CDH17: variants seen among roughly 807,000 people sequenced by gnomAD.
CDH17 encodes the protein cadherin-17.
In CDH17, 67 loss-of-function variants were observed where a neutral mutation model predicts 86.3. The ratio of observed to expected loss-of-function variants is 0.78; its 90% CI spans 0.64 to 0.95. The LOEUF (loss-of-function observed/expected upper bound fraction) is 0.95, where lower values mean the gene tolerates loss of function less well. Among genes scored for constraint, CDH17 ranks in the 40% least tolerant of loss-of-function variants. The probability of loss-of-function intolerance (pLI) is 0.00; values close to 1 mark genes in which losing one functional copy is unlikely to be tolerated. For synonymous variants in CDH17, 367 were observed against 366.4 expected, an observed-to-expected ratio of 1.00 and a Z score of -0.02; for missense variants, 993 against 1,017.6, an observed-to-expected ratio of 0.98 and a Z score of 0.33.
rs76730095 is a variant in CDH17, at chr8:94,130,262, G to A, written c.2398+364C>T. ...AATGGCAGGTGAGACCATAAACTCT[G>A]GTGTAGGATCTGTGTATGTCACTCT... On this transcript the variant is annotated intron_variant, in intron 17 of 17. Transcript: ENST00000027335. Among the ~76,000 whole-genome samples the A allele has an allele frequency of 3.9e-4, 59 of 152,284 alleles. No homozygotes were observed. The East Asian group carries it at 0.011, about 29-fold the overall frequency.
At chr8:94,177,792 C>T (rs963240164) in intron 3 of CDH17, 71 bp from the exon 4 acceptor site, 2 of 1,477,232 alleles carry the variant, frequency 1.4e-6, no homozygotes, top group Middle Eastern at 1.9e-4. Flanking sequence ...TAGAAAGTCA[C>T]CAATTTCAGG....
chr8:94,170,736 T>C (rs941854468), intron 8 of CDH17, 118 bp downstream of exon 8: 7 of 1,376,994 alleles, frequency 5.1e-6, no homozygotes, highest in African/African-American at 2.9e-5. Context: ...ACCAATAATA[T>C]GCTGGAGTCT....
At chr8:94,152,378 T>A (rs1410772790) in intron 12 of CDH17, among the ~76,000 whole-genome samples, 1 of 152,162 alleles carries the variant, frequency 6.6e-6, no homozygotes, top group Non-Finnish European at 1.5e-5. Flanking sequence ...TTGGCAATGA[T>A]CTTTTTTTAT....
intron 8 of CDH17, 147 bp downstream of exon 8, chr8:94,170,707 A>T: frequency 7.5e-7 from 1 of 1,339,604 alleles, no homozygotes; most frequent in Non-Finnish European, 1.0e-6. Context: ...ATTATGTGAA[A>T]ATTATCATGT....
chr8:94,156,464 G>A (rs1812950788), intron 12 of CDH17, among the ~76,000 whole-genome samples: 1 of 152,210 alleles, frequency 6.6e-6, no homozygotes, highest in African/African-American at 2.4e-5. Flanking sequence ...AGGGCTCAAA[G>A]AAATAGCTTT....
chr8:94,191,515 G>T (rs1813689917), intron 2 of CDH17, among the ~76,000 whole-genome samples: 2 of 145,412 alleles, frequency 1.4e-5, no homozygotes, highest in African/African-American at 5.2e-5. Flanking sequence ...GCAGTGGCAC[G>T]ATCTTGGCTC....
In CDH17 at chr8:94,177,737, A is replaced by G; in HGVS notation, c.151-16T>C. 1 of 1,612,462 alleles carries G rather than the reference A, an allele frequency of 6.2e-7. No homozygotes were observed. The highest frequency in any genetic ancestry group is 1.3e-5 in the African/African-American group (1 of 74,986). ...TGGCCTTAAACTGGGGAAAAAGCAAAAAACAGATTAAGTTGTAAGGGAAAA... is the reference window on the plus strand; with the variant it reads ...TGGCCTTAAACTGGGGAAAAAGCAAGAAACAGATTAAGTTGTAAGGGAAAA... On this transcript the variant is annotated splice_polypyrimidine_tract_variant and intron_variant, in intron 3 of 17. Coordinates refer to ENST00000027335, the MANE Select transcript of CDH17 (RefSeq NM_004063.4).
chr8:94,146,260 G>T, intron 14 of CDH17, 93 bp from the exon 15 acceptor site: 1 of 1,188,554 alleles, frequency 8.4e-7, no homozygotes, highest in Non-Finnish European at 1.1e-6. Context: ...AAGGAGTTAG[G>T]TACACTGAGA....
At chr8:94,213,814 C>G (rs750603973) in intron 1 of CDH17, among the ~76,000 whole-genome samples, 1 of 152,148 alleles carries the variant, frequency 6.6e-6, no homozygotes, top group African/African-American at 2.4e-5. Context: ...ATGGCGAGCT[C>G]TCCTCAAATT....
chr8:94,201,519 T>C (rs1813911976), intron 1 of CDH17, among the ~76,000 whole-genome samples: 1 of 152,144 alleles, frequency 6.6e-6, no homozygotes, highest in African/African-American at 2.4e-5. Context: ...CAGACAGCCA[T>C]CTACAAGCCA....
At chr8:94,159,088 C>A (rs982571541) in intron 12 of CDH17, among the ~76,000 whole-genome samples, 1 of 152,070 alleles carries the variant, frequency 6.6e-6, no homozygotes, top group African/African-American at 2.4e-5. Context: ...GTACATTGGA[C>A]GGCATTGAGT....
At position 94,162,119 on chromosome 8, in the gene CDH17, G is replaced by C. The variant is rs1813065199; in HGVS notation, c.1326C>G (p.Ile442Met). The stretch of plus-strand genomic sequence containing the variant: ...TTTCAAAGATGGGGATCTGATCATT[G>C]ATATCAATAACGTTGATTTGCACAA... ...LCFVQINVIDINDQIPIFEKS... is the reference protein window; with the variant it reads ...LCFVQINVIDMNDQIPIFEKS... The change falls in exon 11 of 18, where the codon ATC becomes ATG. Residue 442 changes from isoleucine to methionine, a missense_variant. By Grantham distance (10) the Ile-to-Met change is conservative. Coordinates refer to ENST00000027335, the MANE Select transcript of CDH17 (RefSeq NM_004063.4). 1.9e-6 allele frequency: 3 copies of C among 1,606,724 alleles called. No individual in the cohort carries two copies.
At chr8:94,151,564 C>A (rs1209461791) in intron 13 of CDH17, among the ~76,000 whole-genome samples, 1 of 152,198 alleles carries the variant, frequency 6.6e-6, no homozygotes, top group East Asian at 1.9e-4. Context: ...CCTGGTTATT[C>A]TAGTCTCTCA....
At chr8:94,174,551 A>G (rs1196424855) in intron 5 of CDH17, among the ~76,000 whole-genome samples, 1 of 152,228 alleles carries the variant, frequency 6.6e-6, no homozygotes, top group Non-Finnish European at 1.5e-5. Flanking sequence ...AATTTAATGA[A>G]TTGTAGTGTA....
At chr8:94,150,944 C>A (rs1812844610) in intron 13 of CDH17, among the ~76,000 whole-genome samples, 1 of 152,162 alleles carries the variant, frequency 6.6e-6, no homozygotes, top group South Asian at 2.1e-4. Context: ...AGTAAAACTG[C>A]AGGTGGTAAC....
chr8:94,171,383 T>A (rs745988221), intron 7 of CDH17, among the ~76,000 whole-genome samples: 8 of 152,166 alleles, frequency 5.3e-5, no homozygotes, highest in Non-Finnish European at 1.0e-4. Context: ...TACTCACCAA[T>A]GAAGATGAAC....
intron 1 of CDH17, among the ~76,000 whole-genome samples, chr8:94,199,083 ATTTTTTTT>A (rs71510475): frequency 2.8e-3 from 64 of 23,204 alleles, no homozygotes; most frequent in African/African-American, 6.4e-3. Flanking sequence ...ATATATATAT[ATTTTTTTT>A]TTTTTATCAT....
intron 15 of CDH17, among the ~76,000 whole-genome samples, chr8:94,145,610 ATATC>A (rs1812725884): frequency 6.6e-6 from 1 of 152,256 alleles, no homozygotes; most frequent in South Asian, 2.1e-4. Context: ...TTGAATATAT[ATATC>A]TATCTCAAAG....
At position 94,148,819 on chromosome 8, in the gene CDH17, C is replaced by T; in HGVS notation, c.1852G>A (p.Glu618Lys). ...GWLKIDHVTG[E>K]IFSVAPLDRE... ...TCCAATGGAGCCACACTAAAGATCT[C>T]ACCAGTCACGTGGTCAATTTTAAGC... is the stretch of plus-strand genomic sequence containing the variant. The change falls in exon 14 of 18, where the codon GAG (glutamate) becomes AAG (lysine). Residue 618 changes from glutamate to lysine, a missense_variant. Glu to Lys is a moderately conservative substitution (Grantham distance 56). Transcript: ENST00000027335. The T allele has an allele frequency of 1.2e-6, 2 of 1,602,126 alleles. No homozygotes were observed. The highest frequency in any genetic ancestry group is 1.7e-6 in the Non-Finnish European group (2 of 1,174,342).
Sources: gnomAD v4.1 joint callset for allele counts (sites outside exome capture counted in the v4.1 genomes callset) on GRCh38, gnomAD v4.1.1 for gene constraint, MANE v1.5 for transcripts, NCBI Gene and HGNC (gene_info 2026-07-23, HGNC 2026-07-21) for gene names.